Variants in ZMYND8 observed in about 807,000 individuals in gnomAD.
The protein encoded by ZMYND8 is zinc finger MYND-type containing 8.
ZMYND8 carries 37 observed loss-of-function variants against 140.8 expected under a neutral mutation model. The observed-to-expected ratio is 0.26, with a 90% CI of 0.20 to 0.35. ZMYND8 has a LOEUF of 0.35. Ranked by LOEUF, ZMYND8 falls within the 10% of genes least tolerant of loss-of-function variation. The pLI, the probability that ZMYND8 is intolerant of heterozygous loss-of-function variation, is 1.00. For synonymous variants in ZMYND8, 592 were observed against 597.1 expected (o/e 0.99, Z 0.12); for missense variants, 1,068 against 1,570.0 (o/e 0.68, Z 5.40).
rs374844913 is a variant in ZMYND8, at chr20:47,347,908, T to G, written c.33A>C (p.Ile11=). 2 of 1,614,024 alleles carry G rather than the reference T, an allele frequency of 1.2e-6. No individual in the cohort carries two copies. The highest frequency in any genetic ancestry group is 1.7e-6 in the Non-Finnish European group (2 of 1,180,036). MHPQSLAEEE[I]KTEQEVVEGM... is the part of the protein sequence containing the mutation. ...CCTCTACCACCTCCTGTTCTGTTTTTATTTCCTCTTCAGCCAAGCTGAAAC... is the reference window on the plus strand; with the variant it reads ...CCTCTACCACCTCCTGTTCTGTTTTGATTTCCTCTTCAGCCAAGCTGAAAC... The change falls in exon 2 of 23, where the codon ATA becomes ATC. Residue 11 remains isoleucine, a synonymous_variant. Coordinates refer to ENST00000471951, the MANE Select transcript of ZMYND8 (RefSeq NM_001281775.3).
chr20:47,275,781 T>A (rs1026454361), intron 11 of ZMYND8, among the ~76,000 whole-genome samples: 1 of 152,034 alleles, frequency 6.6e-6, no homozygotes. Flanking sequence ...CTAATTTTTG[T>A]ATTTTTGGTA....
chr20:47,276,910 TAAA>T lies in ZMYND8; in HGVS notation c.999-118_999-116del, dbSNP rs10717572. On this transcript the variant is annotated intron_variant, in intron 10 of 22. Coordinates refer to ENST00000471951, the MANE Select transcript of ZMYND8 (RefSeq NM_001281775.3). ...ATGTTTGCCAAGATTCTTATTCTAT[TAAA>T]AAAAAAAAAAAAAAAACTTGGTTTG... The T allele has an allele frequency of 6.5e-3, 3,341 of 512,438 alleles. 17 individuals carry two copies. The highest frequency in any genetic ancestry group is 0.021 in the African/African-American group (941 of 45,686). 31.7% of individuals were successfully genotyped at this position (512,438 alleles called of 1,614,324 possible).
chr20:47,339,636 C>T (rs980282281), intron 2 of ZMYND8, among the ~76,000 whole-genome samples: 1 of 151,888 alleles, frequency 6.6e-6, no homozygotes, highest in Non-Finnish European at 1.5e-5. Context: ...GCGACCACGC[C>T]TGGCTAATTT....
chr20:47,318,489 T>C, intron 2 of ZMYND8: 1 of 346,776 alleles, frequency 2.9e-6, no homozygotes, highest in South Asian at 2.2e-5. Flanking sequence ...GTCCGGAATT[T>C]CCTCCTGGCA....
intron 10 of ZMYND8, among the ~76,000 whole-genome samples, chr20:47,278,257 A>G (rs1214050513): frequency 1.3e-5 from 2 of 152,218 alleles, no homozygotes; most frequent in African/African-American, 2.4e-5. Context: ...AGCTGGGATT[A>G]TAGGTGTGAG....
At chr20:47,320,799 A>G (rs2079878888) in intron 2 of ZMYND8, 2 of 152,230 alleles carry the variant, frequency 1.3e-5, no homozygotes, top group Non-Finnish European at 2.9e-5. Context: ...CCTATTGTCT[A>G]CAGGGCTCAT....
intron 17 of ZMYND8, 86 bp from the exon 18 acceptor site, chr20:47,227,367 A>C (rs2147025058): frequency 7.7e-7 from 1 of 1,306,196 alleles, no homozygotes; most frequent in East Asian, 2.3e-5. Context: ...GCTGGCTGTG[A>C]GGGGTATGGG....
chr20:47,219,334 G>T (rs1419978527), intron 21 of ZMYND8, among the ~76,000 whole-genome samples: 1 of 151,668 alleles, frequency 6.6e-6, no homozygotes, highest in African/African-American at 2.4e-5. Flanking sequence ...GGGATTACAG[G>T]CATGAGCCAC....
chr20:47,243,583 G>A (rs1283744172), intron 14 of ZMYND8, among the ~76,000 whole-genome samples: 1 of 152,182 alleles, frequency 6.6e-6, no homozygotes, highest in African/African-American at 2.4e-5. Flanking sequence ...TAACTCTGAA[G>A]ATTGAAATAG....
intron 19 of ZMYND8, among the ~76,000 whole-genome samples, chr20:47,221,985 G>C (rs1392210420): frequency 6.6e-6 from 1 of 151,830 alleles, no homozygotes; most frequent in Non-Finnish European, 1.5e-5. Flanking sequence ...GATTTTTAAT[G>C]GTTAGCAATT....
At chr20:47,303,102 C>G (rs1449257081) in intron 3 of ZMYND8, among the ~76,000 whole-genome samples, 6 of 152,048 alleles carry the variant, frequency 3.9e-5, no homozygotes, top group Admixed American at 1.3e-4. Flanking sequence ...CTGAGAACCA[C>G]TAATGTAGAG....
At position 47,256,805 on chromosome 20, in the gene ZMYND8, C is replaced by G. The variant is rs1351218440; in HGVS notation, c.1621+5483G>C. Among the ~76,000 whole-genome samples, 3 of 152,272 alleles carry G rather than the reference C, an allele frequency of 2.0e-5. No homozygotes were observed. In the Middle Eastern group the frequency reaches 0.01, roughly 518 times the overall value. ...GCTTTATGCACAAAAAGAAAGGATG[C>G]CTCCTGTCATTAACAGTGGAGAAAT... is the stretch of plus-strand genomic sequence containing the variant. On this transcript the variant is annotated intron_variant, in intron 12 of 22. Transcript: ENST00000471951.
intron 21 of ZMYND8, among the ~76,000 whole-genome samples, chr20:47,214,161 T>C (rs1021778663): frequency 2.0e-5 from 3 of 152,236 alleles, no homozygotes; most frequent in Admixed American, 1.3e-4. Flanking sequence ...TCACGTGCGC[T>C]GTCACCAGAA....
chr20:47,224,786 G>A (rs1437693455), intron 18 of ZMYND8, among the ~76,000 whole-genome samples: 2 of 152,178 alleles, frequency 1.3e-5, no homozygotes, highest in Non-Finnish European at 2.9e-5. Flanking sequence ...TGCCCAGCAT[G>A]GACATAACTG....
At position 47,246,079 on chromosome 20, in the gene ZMYND8, C is replaced by T. The variant is rs2040532450; in HGVS notation, c.2213G>A (p.Gly738Glu). The T allele has an allele frequency of 6.2e-7, 1 of 1,614,052 alleles. No individual in the cohort carries two copies. The highest frequency in any genetic ancestry group is 1.3e-5 in the African/African-American group (1 of 74,928). Residue 738 changes from glycine (G) to glutamate (E), a missense_variant, in exon 14 of 23, where the codon GGA (glycine) becomes GAA (glutamate). By Grantham distance (98) the Gly-to-Glu change is moderately conservative. This residue lies in a region of ZMYND8 where 383 missense variants were observed against 431.2 expected (regional missense o/e 0.89). Transcript: ENST00000471951. ...ACCCTCCCGCCCAGAATGGTCTTCTCCTAAATCTATGACAAGTTCGCTCTC... is the reference window on the plus strand; with the variant it reads ...ACCCTCCCGCCCAGAATGGTCTTCTTCTAAATCTATGACAAGTTCGCTCTC... ...DSESELVIDL[G>E]EDHSGREGRK...
At chr20:47,218,452 T>C (rs748784820) in intron 21 of ZMYND8, among the ~76,000 whole-genome samples, 13 of 152,226 alleles carry the variant, frequency 8.5e-5, no homozygotes, top group Non-Finnish European at 1.3e-4. Flanking sequence ...TTTAAACTTA[T>C]GTAACTTAGG....
intron 19 of ZMYND8, among the ~76,000 whole-genome samples, chr20:47,222,823 G>C (rs1343143834): frequency 6.6e-6 from 1 of 152,258 alleles, no homozygotes; most frequent in East Asian, 1.9e-4. Context: ...GATTTGTCTA[G>C]AGCAAGAGCT....
rs2077771648 is a variant in ZMYND8, at chr20:47,298,235, C to T, written c.453+494G>A. ...TTTGTGCACTGTCGAATTCCCAGCA[C>T]CTAATAGGCACTCAAGAAATACTTG... On this transcript the variant is annotated intron_variant, in intron 4 of 22. Transcript: ENST00000471951. The surrounding 1 kb of genome is among the most constrained non-coding windows in gnomAD (Gnocchi z 5.0). 1.0e-6 allele frequency: 1 copy of T among 980,746 alleles called. No individual in the cohort carries two copies. Among genetic ancestry groups the T allele is most frequent in the South Asian group, 4.7e-5 (1 of 21,188 alleles). 60.8% of individuals were successfully genotyped at this position (980,746 alleles called of 1,614,324 possible).
At chr20:47,220,531 A>AAC (rs1358764441) in intron 20 of ZMYND8, among the ~76,000 whole-genome samples, 1 of 152,190 alleles carries the variant, frequency 6.6e-6, no homozygotes, top group East Asian at 1.9e-4. Context: ...AACAGACTGG[A>AAC]ACGCAGCACC....
Sources: gnomAD v4.1 joint callset for allele counts (sites outside exome capture counted in the v4.1 genomes callset) on GRCh38, gnomAD v4.1.1 for gene constraint, gnomAD v4.1.1 regional missense constraint, Gnocchi (gnomAD v3.1) non-coding constraint, MANE v1.5 for transcripts, NCBI Gene and HGNC (gene_info 2026-07-23, HGNC 2026-07-21) for gene names.